The following AQR variants were observed in gnomAD, a reference collection of about 807,000 sequenced individuals.
AQR encodes aquarius intron-binding spliceosomal factor.
In AQR, 61 loss-of-function variants were observed where a neutral mutation model predicts 180.5. That is an observed-to-expected ratio of 0.34 (90% CI 0.28 to 0.42). AQR has a LOEUF of 0.42. Among genes scored for constraint, AQR ranks in the 10% least tolerant of loss-of-function variants. The probability of loss-of-function intolerance (pLI) is 1.00; values close to 1 mark genes in which losing one functional copy is unlikely to be tolerated. For missense variants in AQR, 1,281 were observed against 1,798.3 expected (o/e 0.71, Z 5.20); for synonymous variants, 551 against 588.8 (o/e 0.94, Z 0.93).
intron 22 of AQR, among the ~76,000 whole-genome samples, chr15:34,894,178 G>C (rs752392825): frequency 6.6e-6 from 1 of 150,626 alleles, no homozygotes; most frequent in African/African-American, 2.4e-5. Context: ...TAACCCCAAA[G>C]AAATCCAAGC....
At chr15:34,895,187 AATATATATATAT>A (rs1180797707) in intron 22 of AQR, among the ~76,000 whole-genome samples, 341 of 12,960 alleles carry the variant, frequency 0.026, 11 homozygotes, top group African/African-American at 0.037. Context: ...AAAAAAAAAA[AATATATATATAT>A]ATATATATAT....
chr15:34,940,268 G>A (rs1595804528), intron 8 of AQR, among the ~76,000 whole-genome samples: 4 of 152,226 alleles, frequency 2.6e-5, no homozygotes, highest in Admixed American at 2.0e-4. Context: ...AGTGGCTCAC[G>A]CCTGTAATCC....
Position 34,900,839 on chromosome 15 carries a change from G to T in AQR, c.2026C>A (p.Leu676Met). The T allele has an allele frequency of 6.2e-7, 1 of 1,608,448 alleles. No homozygotes were observed. The highest frequency in any genetic ancestry group is 8.5e-7 in the Non-Finnish European group (1 of 1,176,032). The change falls in exon 20 of 35, where the codon CTG becomes ATG. Residue 676 changes from leucine (L) to methionine (M), a missense_variant. Physicochemically the swap from Leu to Met is conservative, Grantham distance 15. Transcript: ENST00000156471. ...FKAVLETIRN[L>M]MNTDCVVPDW... is the part of the protein sequence containing the mutation. The stretch of plus-strand genomic sequence containing the variant: ...GGTACCACACAATCAGTATTCATCA[G>T]GTTCCGAATAGTCTCCAGCACAGCC...
chr15:34,936,639 C>G (rs1893949256), intron 9 of AQR, among the ~76,000 whole-genome samples: 1 of 151,788 alleles, frequency 6.6e-6, no homozygotes, highest in Admixed American at 6.6e-5. Context: ...TCACTTGGAC[C>G]CAGGAGGCAG....
rs369522846 is a variant in AQR, at chr15:34,876,055, C to G, written c.3166-49G>C. 6.6e-6 allele frequency: 9 copies of G among 1,364,610 alleles called. No homozygotes were observed. In the African/African-American group the frequency reaches 1.3e-4, roughly 20 times the overall value. 84.5% of individuals were successfully genotyped at this position (1,364,610 alleles called of 1,614,324 possible). On this transcript the variant is annotated intron_variant, in intron 27 of 34. Coordinates refer to ENST00000156471, the MANE Select transcript of AQR (RefSeq NM_014691.3). The stretch of plus-strand genomic sequence containing the variant: ...TAAAGACAGCTTAAAAGTCAAACAA[C>G]TACCATCATAAACATAATCATCAAA...
chr15:34,951,976 C>A (rs1283032394), intron 4 of AQR, among the ~76,000 whole-genome samples: 1 of 152,116 alleles, frequency 6.6e-6, no homozygotes, highest in Non-Finnish European at 1.5e-5. Flanking sequence ...ATAATACAGT[C>A]CTTAGGATAC....
In AQR at chr15:34,870,935, CATA is replaced by C. The variant is rs1394983073; in HGVS notation, c.3598-16_3598-14del. 7 of 1,603,156 alleles carry C rather than the reference CATA, an allele frequency of 4.4e-6. No homozygotes were observed. Among genetic ancestry groups the C allele is most frequent in the African/African-American group, 1.3e-5 (1 of 74,582 alleles). On this transcript the variant is annotated splice_polypyrimidine_tract_variant and intron_variant, in intron 30 of 34. Coordinates refer to ENST00000156471, the MANE Select transcript of AQR (RefSeq NM_014691.3). ...CCTCTCCAAGATTCTGTAATGCAAA[CATA>C]ATCAGACTGTGCATTCATTTGCTTT...
rs1411341300 is a variant in AQR, at chr15:34,969,487, G to C, written c.75+52C>G. 3.1e-6 allele frequency: 5 copies of C among 1,601,958 alleles called. No homozygotes were observed. In the Admixed American group the frequency reaches 5.0e-5, roughly 16 times the overall value. ...AAAAAAAACCCCACCACCAGGCCTC[G>C]GGGCCACGACGTCCATACCCACTCA... On this transcript the variant is annotated intron_variant, in intron 1 of 34. Coordinates refer to ENST00000156471, the MANE Select transcript of AQR (RefSeq NM_014691.3).
intron 25 of AQR, among the ~76,000 whole-genome samples, chr15:34,886,278 GA>G (rs1893059015): frequency 6.6e-6 from 1 of 151,972 alleles, no homozygotes; most frequent in South Asian, 2.1e-4. Flanking sequence ...CCAATAGAAA[GA>G]AAAAAATGTA....
intron 13 of AQR, among the ~76,000 whole-genome samples, chr15:34,925,549 A>T (rs1038633841): frequency 5.9e-5 from 9 of 152,188 alleles, no homozygotes; most frequent in African/African-American, 2.2e-4. Context: ...TTAAAGATTC[A>T]CCAAAAGGAG....
intron 3 of AQR, among the ~76,000 whole-genome samples, chr15:34,954,443 C>A (rs759601581): frequency 2.6e-5 from 4 of 152,008 alleles, no homozygotes; most frequent in Non-Finnish European, 5.9e-5. Context: ...GTAGCTGAGA[C>A]TACAGGCATG....
rs1490490761 is a variant in AQR at position 34,915,019 on chromosome 15, G to A, written c.1484+19C>T. 4 of 1,590,346 alleles carry A rather than the reference G, an allele frequency of 2.5e-6. No individual in the cohort carries two copies. The highest frequency in any genetic ancestry group is 2.7e-5 in the African/African-American group (2 of 73,600). ...CACTGTTTGCATCTCTTCATTACAGGTGGAACCAATTTACTAACCATGGCT... is the reference window on the plus strand; with the variant it reads ...CACTGTTTGCATCTCTTCATTACAGATGGAACCAATTTACTAACCATGGCT... On this transcript the variant is annotated intron_variant, in intron 16 of 34. Coordinates refer to ENST00000156471, the MANE Select transcript of AQR (RefSeq NM_014691.3).
chr15:34,858,582 C>T (rs934008348), intron 34 of AQR, among the ~76,000 whole-genome samples: 1 of 152,074 alleles, frequency 6.6e-6, no homozygotes, highest in Admixed American at 6.5e-5. Context: ...TAGAAACTGA[C>T]CTGCTGATTG....
intron 3 of AQR, among the ~76,000 whole-genome samples, chr15:34,953,676 G>A (rs146584067): frequency 1.3e-5 from 2 of 152,196 alleles, no homozygotes; most frequent in Admixed American, 6.5e-5. Context: ...TAAGTGGATA[G>A]GCCATCTTGA....
chr15:34,875,175 G>A (rs575248367), intron 28 of AQR, among the ~76,000 whole-genome samples: 3 of 152,192 alleles, frequency 2.0e-5, no homozygotes, highest in African/African-American at 4.8e-5. Flanking sequence ...ATTAGGTAAC[G>A]AGCACACAGA....
chr15:34,911,106 T>C (rs1566987728), intron 16 of AQR, among the ~76,000 whole-genome samples: 1 of 152,232 alleles, frequency 6.6e-6, no homozygotes, highest in Non-Finnish European at 1.5e-5. Flanking sequence ...AAAAAAAGGA[T>C]TTCCTTCTTT....
At chr15:34,891,933 T>C (rs1311349968) in intron 23 of AQR, among the ~76,000 whole-genome samples, 4 of 152,128 alleles carry the variant, frequency 2.6e-5, no homozygotes, top group Non-Finnish European at 5.9e-5. Context: ...CTTCAAAATA[T>C]ATAAAAATAT....
chr15:34,964,434 C>G (rs1005894481), intron 1 of AQR, 144 bp from the exon 2 acceptor site: 7 of 731,176 alleles, frequency 9.6e-6, no homozygotes, highest in Non-Finnish European at 1.5e-5. Flanking sequence ...ACTACACAGG[C>G]ATGCAGGCCA....
chr15:34,856,655 C>A lies in AQR; in HGVS notation c.*137G>T. ...ATTTAAAAAAATATATTCAAGACAC[C>A]GAAATCAGTTAACAAATATAAGAAC... On this transcript the variant is annotated 3_prime_UTR_variant, in exon 35 of 35. Coordinates refer to ENST00000156471, the MANE Select transcript of AQR (RefSeq NM_014691.3). 1 of 675,988 alleles carries A rather than the reference C, an allele frequency of 1.5e-6. No individual in the cohort carries two copies. The highest frequency in any genetic ancestry group is 1.8e-5 in the African/African-American group (1 of 54,724). The allele number at this position is 675,988 out of a possible 1,614,324, so 41.9% of individuals were successfully genotyped here.
Sources: gnomAD v4.1 joint callset for allele counts (sites outside exome capture counted in the v4.1 genomes callset) on GRCh38, gnomAD v4.1.1 for gene constraint, MANE v1.5 for transcripts, NCBI Gene and HGNC (gene_info 2026-07-23, HGNC 2026-07-21) for gene names.